IL7: variants seen among roughly 807,000 people sequenced by gnomAD.
The protein encoded by IL7 is interleukin-7.
In IL7, 3 loss-of-function variants were observed where a neutral mutation model predicts 21.6. That is an observed-to-expected ratio of 0.14 (90% CI 0.06 to 0.36). The LOEUF (loss-of-function observed/expected upper bound fraction) is 0.36, where lower values mean the gene tolerates loss of function less well. Among genes scored for constraint, IL7 ranks in the 10% least tolerant of loss-of-function variants. The probability of loss-of-function intolerance (pLI) is 1.00; values close to 1 mark genes in which losing one functional copy is unlikely to be tolerated. For synonymous variants in IL7, 62 were observed against 68.1 expected (o/e 0.91, Z 0.44); for missense variants, 175 against 200.2 (o/e 0.87, Z 0.76).
chr8:78,690,034 T>C (rs1586000432), intron 3 of IL7, among the ~76,000 whole-genome samples: 1 of 152,220 alleles, frequency 6.6e-6, no homozygotes, highest in Non-Finnish European at 1.5e-5. Flanking sequence ...TTCTATTGTT[T>C]TAGCACGATT....
chr8:78,763,907 A>G (rs1367557903), intron 2 of IL7, among the ~76,000 whole-genome samples: 1 of 152,188 alleles, frequency 6.6e-6, no homozygotes, highest in Non-Finnish European at 1.5e-5. Flanking sequence ...TCTCATGAAC[A>G]TAGATTCAAA....
At chr8:78,776,301 G>C (rs150353484) in intron 2 of IL7, among the ~76,000 whole-genome samples, 17 of 152,134 alleles carry the variant, frequency 1.1e-4, no homozygotes, top group Non-Finnish European at 2.1e-4. Flanking sequence ...CTAGACAAAG[G>C]GATGATTCAC....
At chr8:78,714,445 A>G (rs1185208163), downstream of IL7, among the ~76,000 whole-genome samples, 2 of 152,196 alleles carry the variant, frequency 1.3e-5, no homozygotes, top group Non-Finnish European at 2.9e-5. Context: ...TATGAATTGT[A>G]CTTTTTTTCT....
At chr8:78,698,951 A>G (rs906578641) in intron 3 of IL7, among the ~76,000 whole-genome samples, 1 of 152,198 alleles carries the variant, frequency 6.6e-6, no homozygotes, top group Non-Finnish European at 1.5e-5. Context: ...GTTAGACGCA[A>G]TATATAAATT....
intron 4 of IL7, among the ~76,000 whole-genome samples, chr8:78,683,264 C>A (rs981010244): frequency 2.6e-5 from 4 of 152,252 alleles, no homozygotes; most frequent in African/African-American, 9.6e-5. Flanking sequence ...TCTTATTTCC[C>A]TTTTGCAGTG....
At chr8:78,717,320 T>C (rs1467142241), downstream of IL7, 5 of 1,599,460 alleles carry the variant, frequency 3.1e-6, no homozygotes, top group Non-Finnish European at 4.3e-6. Flanking sequence ...GTTTCTTTAC[T>C]TTTTTAGGCC....
chr8:78,798,558 C>A (rs1813941848), intron 1 of IL7, among the ~76,000 whole-genome samples: 1 of 151,958 alleles, frequency 6.6e-6, no homozygotes, highest in Non-Finnish European at 1.5e-5. Context: ...TAAAGAGGTG[C>A]ACTACAGTTC....
rs1198839889 is a variant in IL7 at position 78,787,343 on chromosome 8, A to G, written c.147+10729T>C. On this transcript the variant is annotated intron_variant, in intron 2 of 5. Transcript: ENST00000263851. ...GTGCTGTCTTCAGATAGATAGTGTC[A>G]TAATTGAATTGACAGCCAGCTTGTG... Among the ~76,000 whole-genome samples the G allele has an allele frequency of 2.0e-5, 3 of 152,172 alleles. No individual in the cohort carries two copies. In the East Asian group the frequency reaches 5.8e-4, roughly 29 times the overall value.
At chr8:78,713,169 A>G (rs1016686893), downstream of IL7, among the ~76,000 whole-genome samples, 7 of 152,302 alleles carry the variant, frequency 4.6e-5, no homozygotes, top group African/African-American at 1.7e-4. Flanking sequence ...GGTAGATTCT[A>G]GATACAGAGT....
chr8:78,762,373 G>A (rs1316661382), intron 2 of IL7: 6 of 1,612,408 alleles, frequency 3.7e-6, no homozygotes, highest in Non-Finnish European at 3.4e-6. Context: ...AGAAGGCCAA[G>A]TCAAGTCGGA....
At chr8:78,781,625 C>T (rs572985377) in intron 2 of IL7, among the ~76,000 whole-genome samples, 1 of 152,126 alleles carries the variant, frequency 6.6e-6, no homozygotes, top group South Asian at 2.1e-4. Context: ...GGTGACCTGG[C>T]CTTTCTCTCT....
At chr8:78,675,854 A>G (rs1230471418) in exon 5 of IL7, 2 of 1,611,046 alleles carry the variant, frequency 1.2e-6, no homozygotes, top group South Asian at 2.2e-5. Flanking sequence ...CATTCTTTCC[A>G]GTAGCATTAG....
chr8:78,698,717 C>G (rs181709050), intron 3 of IL7, among the ~76,000 whole-genome samples: 1 of 152,190 alleles, frequency 6.6e-6, no homozygotes, highest in East Asian at 1.9e-4. Flanking sequence ...GTATTAAAAG[C>G]CTTAGAAATC....
downstream of IL7, among the ~76,000 whole-genome samples, chr8:78,731,072 C>G (rs1811415909): frequency 6.6e-6 from 1 of 151,918 alleles, no homozygotes; most frequent in Non-Finnish European, 1.5e-5. Context: ...ATACGTGTTT[C>G]TAGAGAAATA....
intron 3 of IL7, among the ~76,000 whole-genome samples, chr8:78,726,487 G>A (rs771127284): frequency 2.6e-5 from 4 of 151,978 alleles, no homozygotes; most frequent in Non-Finnish European, 5.9e-5. Context: ...CTCAGAGTAA[G>A]ACGGGAATAG....
rs201915391 is a variant in IL7, at chr8:78,738,489, T to C, written c.360+15A>G. 2.5e-5 allele frequency: 40 copies of C among 1,603,540 alleles called. No homozygotes were observed. In the East Asian group the frequency reaches 8.7e-4, roughly 35 times the overall value. ...ATTTAATATTTTTATTCAAAGTAAA[T>C]AGTCCTTAGCTTACCTGGCCAGTGC... On this transcript the variant is annotated intron_variant, in intron 4 of 5. Transcript: ENST00000263851.
intron 2 of IL7, among the ~76,000 whole-genome samples, chr8:78,769,166 G>T (rs1812865812): frequency 6.6e-6 from 1 of 151,640 alleles, no homozygotes; most frequent in African/African-American, 2.4e-5. Context: ...TCAACACAGT[G>T]TTGGAAGTTC....
intron 3 of IL7, among the ~76,000 whole-genome samples, chr8:78,700,739 A>G (rs1336774412): frequency 6.6e-6 from 1 of 152,210 alleles, no homozygotes; most frequent in Non-Finnish European, 1.5e-5. Flanking sequence ...CAATTATCCC[A>G]GCACCTTTTA....
At chr8:78,739,122 T>A (rs552655596) in intron 3 of IL7, among the ~76,000 whole-genome samples, 54 of 151,998 alleles carry the variant, frequency 3.6e-4, no homozygotes, top group Non-Finnish European at 6.2e-4. Flanking sequence ...TTAAGAAATT[T>A]AAAAAAAAGA....
Sources: allele counts gnomAD v4.1 joint callset (sites outside exome capture counted in the v4.1 genomes callset), GRCh38; gene constraint gnomAD v4.1.1; transcripts MANE v1.5; gene names NCBI Gene and HGNC (gene_info 2026-07-23, HGNC 2026-07-21).